The following TAFA1 variants were observed in gnomAD, a reference collection of about 807,000 sequenced individuals.
TAFA1 encodes the protein TAFA chemokine like family member 1.
In TAFA1, 4 loss-of-function variants were observed where a neutral mutation model predicts 18.5. That is an observed-to-expected ratio of 0.22 (90% confidence interval 0.11 to 0.49). The LOEUF is 0.49. Ranked by LOEUF, TAFA1 falls within the 20% of genes least tolerant of loss-of-function variation. TAFA1 has a pLI of 0.98. For missense variants in TAFA1, 147 were observed against 169.0 expected (o/e 0.87, Z 0.72); for synonymous variants, 56 against 55.2 (o/e 1.01, Z -0.06).
chr3:68,251,622 A>G (rs2107164579), intron 2 of TAFA1, among the ~76,000 whole-genome samples: 1 of 152,310 alleles, frequency 6.6e-6, no homozygotes, highest in African/African-American at 2.4e-5. Context: ...GCAGAGACCT[A>G]AAAGAAGGGA....
At chr3:68,470,966 T>G (rs1160336566) in intron 3 of TAFA1, among the ~76,000 whole-genome samples, 1 of 152,172 alleles carries the variant, frequency 6.6e-6, no homozygotes, top group Non-Finnish European at 1.5e-5. Flanking sequence ...GAAAAATGTT[T>G]CCTGGCGTGG....
chr3:68,526,930 T>C (rs148789608), intron 3 of TAFA1, among the ~76,000 whole-genome samples: 82 of 152,256 alleles, frequency 5.4e-4, no homozygotes, highest in African/African-American at 1.9e-3. Flanking sequence ...TCAACAAAAT[T>C]GCAAATTACT....
chr3:68,220,504 G>T (rs1381381513), intron 2 of TAFA1, among the ~76,000 whole-genome samples: 1 of 151,738 alleles, frequency 6.6e-6, no homozygotes, highest in Non-Finnish European at 1.5e-5. Flanking sequence ...CTACTCATTA[G>T]TGAAGAGAAG....
chr3:68,175,271 G>A lies in TAFA1; in HGVS notation c.118+168527G>A, dbSNP rs147359574. Among the ~76,000 whole-genome samples, 1,321 of 152,294 alleles carry A rather than the reference G, an allele frequency of 8.7e-3. 19 individuals carry two copies. Among genetic ancestry groups the A allele is most frequent in the African/African-American group, 0.029 (1,201 of 41,550 alleles). On this transcript the variant is annotated intron_variant, in intron 2 of 4. Transcript: ENST00000478136. ...CCCAACACAGAGTCCCTACTGGGGCGCTGCCTAGTGGAGCTGTGAGAAGAG... is the reference window on the plus strand; with the variant it reads ...CCCAACACAGAGTCCCTACTGGGGCACTGCCTAGTGGAGCTGTGAGAAGAG...
At chr3:68,033,019 C>T (rs970515053) in intron 2 of TAFA1, among the ~76,000 whole-genome samples, 1 of 152,068 alleles carries the variant, frequency 6.6e-6, no homozygotes, top group East Asian at 1.9e-4. Flanking sequence ...GAAGCAAGAA[C>T]ATTTATATAT....
chr3:68,205,641 C>A (rs2066517847), intron 2 of TAFA1, among the ~76,000 whole-genome samples: 1 of 151,836 alleles, frequency 6.6e-6, no homozygotes, highest in African/African-American at 2.4e-5. Flanking sequence ...TTTCCTTCAA[C>A]TACTACATTT....
intron 2 of TAFA1, among the ~76,000 whole-genome samples, chr3:68,275,465 G>C (rs574499211): frequency 2.6e-5 from 4 of 151,174 alleles, no homozygotes; most frequent in African/African-American, 9.7e-5. Context: ...TGCATTGTCA[G>C]ACTTCAGATC....
intron 2 of TAFA1, among the ~76,000 whole-genome samples, chr3:68,105,838 C>A (rs555282765): frequency 7.8e-4 from 119 of 152,112 alleles, no homozygotes; most frequent in African/African-American, 2.6e-3. Context: ...CAGCTGCCTC[C>A]CTATGTAAAC....
chr3:68,144,835 C>T (rs2065717028), intron 2 of TAFA1, among the ~76,000 whole-genome samples: 1 of 152,138 alleles, frequency 6.6e-6, no homozygotes, highest in Non-Finnish European at 1.5e-5. Flanking sequence ...ACTCCATGCT[C>T]TTTGACTTTT....
chr3:68,032,567 C>T (rs1430642445), intron 2 of TAFA1, among the ~76,000 whole-genome samples: 9 of 152,144 alleles, frequency 5.9e-5, no homozygotes, highest in Admixed American at 5.9e-4. Context: ...TGAAATTCTC[C>T]TGTCCATATC....
At chr3:68,326,737 A>G (rs917581475) in intron 2 of TAFA1, among the ~76,000 whole-genome samples, 4 of 152,248 alleles carry the variant, frequency 2.6e-5, no homozygotes, top group Non-Finnish European at 4.4e-5. Flanking sequence ...ACAATAGCAC[A>G]CTTATCTCTC....
chr3:68,234,409 G>A (rs537749808), intron 2 of TAFA1, among the ~76,000 whole-genome samples: 27 of 152,092 alleles, frequency 1.8e-4, no homozygotes, highest in Non-Finnish European at 3.7e-4. Context: ...GGAGCAACAG[G>A]GATGCCACCT....
intron 3 of TAFA1, among the ~76,000 whole-genome samples, chr3:68,427,651 A>G (rs2071082465): frequency 6.6e-6 from 1 of 151,588 alleles, no homozygotes; most frequent in African/African-American, 2.4e-5. Flanking sequence ...TTGAAAACCT[A>G]CCACCCCCCC....
intron 2 of TAFA1, chr3:68,192,492 A>C: frequency 5.0e-6 from 1 of 199,812 alleles, no homozygotes; most frequent in Non-Finnish European, 1.1e-5. Context: ...ATGTGCCTTC[A>C]TCATCCCATT....
rs1705163706 is a variant in TAFA1, at chr3:68,041,468, A to G, written c.118+34724A>G. On this transcript the variant is annotated intron_variant, in intron 2 of 4. Coordinates refer to ENST00000478136, the MANE Select transcript of TAFA1 (RefSeq NM_213609.4). The stretch of plus-strand genomic sequence containing the variant: ...TCATGCATCTTTGCTCCATCCCTGT[A>G]AAGGACAGATTTTTTTTTCTCCCAT... Among the ~76,000 whole-genome samples, 2 of 152,230 alleles carry G rather than the reference A, an allele frequency of 1.3e-5. 1 individual carries two copies. Among genetic ancestry groups the G allele is most frequent in the South Asian group, 4.1e-4 (2 of 4,836 alleles).
chr3:68,065,719 T>C (rs961392845), intron 2 of TAFA1, among the ~76,000 whole-genome samples: 1 of 111,402 alleles, frequency 9.0e-6, no homozygotes. Context: ...TACATAGATG[T>C]TTGTGTGTAT....
In TAFA1 at chr3:68,046,919, G is replaced by A. The variant is rs1003519437; in HGVS notation, c.118+40175G>A. ...TGGCAAGTATTATAGTATCACATAA[G>A]GCATATTGATTTTTTAAAAAACCAA... On this transcript the variant is annotated intron_variant, in intron 2 of 4. Transcript: ENST00000478136. 5.1e-4 allele frequency among the ~76,000 whole-genome samples: 77 copies of A among 152,110 alleles called. 1 individual carries two copies. Among genetic ancestry groups the A allele is most frequent in the African/African-American group, 2.2e-4 (9 of 41,432 alleles).
At chr3:68,174,682 A>G (rs2066101786) in intron 2 of TAFA1, among the ~76,000 whole-genome samples, 1 of 152,192 alleles carries the variant, frequency 6.6e-6, no homozygotes, top group African/African-American at 2.4e-5. Context: ...AAAGGCATTC[A>G]GTTTTATAAG....
intron 2 of TAFA1, among the ~76,000 whole-genome samples, chr3:68,136,653 T>A (rs1575638128): frequency 6.6e-6 from 1 of 152,162 alleles, no homozygotes; most frequent in East Asian, 1.9e-4. Context: ...AATATGTGTG[T>A]TTGAGTTCCT....
Sources: allele counts gnomAD v4.1 joint callset (sites outside exome capture counted in the v4.1 genomes callset), GRCh38; gene constraint gnomAD v4.1.1; transcripts MANE v1.5; gene names NCBI Gene and HGNC (gene_info 2026-07-23, HGNC 2026-07-21).